SYCP2: variants seen among roughly 807,000 people sequenced by gnomAD.
SYCP2 encodes the protein synaptonemal complex protein 2.
In SYCP2, 55 loss-of-function variants were observed where a neutral mutation model predicts 211.3. That is an observed-to-expected ratio of 0.26 (90% CI 0.21 to 0.33). The LOEUF is 0.33. Among genes scored for constraint, SYCP2 ranks in the 10% least tolerant of loss-of-function variants. The pLI is 1.00. For missense variants in SYCP2, 1,731 were observed against 1,752.0 expected, an observed-to-expected ratio of 0.99 and a Z score of 0.21; for synonymous variants, 570 against 555.2, an observed-to-expected ratio of 1.03 and a Z score of -0.37.
At position 59,920,480 on chromosome 20, in the gene SYCP2, T is replaced by C; in HGVS notation, c.176A>G (p.Asn59Ser). 6.9e-6 allele frequency: 11 copies of C among 1,598,254 alleles called. No individual in the cohort carries two copies. Among genetic ancestry groups the C allele is most frequent in the Non-Finnish European group, 9.4e-6 (11 of 1,169,396 alleles). The change falls in exon 5 of 45, where the codon AAT becomes AGT. Residue 59 changes from asparagine to serine, a missense_variant. By Grantham distance (46) the Asn-to-Ser change is conservative. This residue lies in a region of SYCP2 where 335 missense variants were observed against 378.8 expected (regional missense o/e 0.88). Coordinates refer to ENST00000357552, the MANE Select transcript of SYCP2 (RefSeq NM_014258.4). The stretch of plus-strand genomic sequence containing the variant: ...TGAAACATTGTGGATATCCTCTTTA[T>C]TAAGTTCCTGAAATAAAAGGTATAC... ...KVDNLICREL[N>S]KEDIHNVSAI...
chr20:59,874,188 G>T, intron 34 of SYCP2, 127 bp from the exon 35 acceptor site: 2 of 514,446 alleles, frequency 3.9e-6, no homozygotes, highest in South Asian at 4.4e-5. Flanking sequence ...CTATAAAAAA[G>T]GATAGCTTTA....
At chr20:59,876,810 A>G (rs1006338458) in intron 33 of SYCP2, among the ~76,000 whole-genome samples, 4 of 152,178 alleles carry the variant, frequency 2.6e-5, no homozygotes, top group Non-Finnish European at 4.4e-5. Context: ...ATAAGTATAT[A>G]TATTTTTCCC....
In SYCP2 at chr20:59,919,498, G is replaced by A. The variant is rs555024308; in HGVS notation, c.397C>T (p.Leu133=). 15 of 1,575,478 alleles carry A rather than the reference G, an allele frequency of 9.5e-6. No homozygotes were observed. In the African/African-American group the frequency reaches 1.1e-4, roughly 11 times the overall value. ...LNMIEDLVDL[L]LVIHDVSDEG... is the part of the protein sequence containing the mutation. ...GTAATCAATGTGATTTTTACCAGCA[G>A]AAGATCAACTAAGTCTTCTATCATA... is the stretch of plus-strand genomic sequence containing the variant. The change falls in exon 6 of 45, where the codon CTG becomes TTG. Residue 133 remains leucine, a synonymous_variant. Coordinates refer to ENST00000357552, the MANE Select transcript of SYCP2 (RefSeq NM_014258.4).
chr20:59,891,544 C>CA (rs2059905005), intron 24 of SYCP2, among the ~76,000 whole-genome samples: 1 of 151,708 alleles, frequency 6.6e-6, no homozygotes, highest in Admixed American at 6.6e-5. Context: ...TGCATTCATC[C>CA]AAAAAATGTT....
At chr20:59,922,809 A>G (rs1449988368) in intron 2 of SYCP2, among the ~76,000 whole-genome samples, 1 of 151,872 alleles carries the variant, frequency 6.6e-6, no homozygotes, top group Non-Finnish European at 1.5e-5. Flanking sequence ...AGGAAAAAAA[A>G]AAACTCTTGA....
At chr20:59,902,616 C>T (rs543703324) in intron 15 of SYCP2, among the ~76,000 whole-genome samples, 21 of 152,226 alleles carry the variant, frequency 1.4e-4, no homozygotes, top group East Asian at 7.7e-4. Context: ...CTGCAGGCCA[C>T]GCCATGATGT....
chr20:59,910,271 C>A (rs1568967335), intron 14 of SYCP2, among the ~76,000 whole-genome samples: 1 of 151,932 alleles, frequency 6.6e-6, no homozygotes, highest in Non-Finnish European at 1.5e-5. Flanking sequence ...AAAGAAGAGT[C>A]CCCCAGCATC....
chr20:59,929,012 A>G (rs1228484493), intron 2 of SYCP2, among the ~76,000 whole-genome samples: 3 of 152,148 alleles, frequency 2.0e-5, no homozygotes, highest in Non-Finnish European at 4.4e-5. Flanking sequence ...CAATGGAATA[A>G]GAGACTAAGG....
intron 35 of SYCP2, among the ~76,000 whole-genome samples, chr20:59,872,780 T>C (rs555475920): frequency 2.0e-5 from 3 of 152,094 alleles, no homozygotes; most frequent in Admixed American, 6.6e-5. Context: ...TAGATCTGAA[T>C]AGGCTTATTC....
intron 2 of SYCP2, among the ~76,000 whole-genome samples, chr20:59,922,678 T>C (rs1018994749): frequency 6.6e-6 from 1 of 151,786 alleles, no homozygotes; most frequent in African/African-American, 2.4e-5. Flanking sequence ...TTCCTTTTTA[T>C]AGATTACTTA....
At chr20:59,886,964 T>G in intron 24 of SYCP2, 130 bp from the exon 25 acceptor site, 1 of 669,750 alleles carries the variant, frequency 1.5e-6, no homozygotes. Flanking sequence ...GAGAGTCAAC[T>G]GTTTAGTAAG....
At chr20:59,909,024 T>C (rs2060266729) in intron 14 of SYCP2, among the ~76,000 whole-genome samples, 1 of 152,182 alleles carries the variant, frequency 6.6e-6, no homozygotes, top group Non-Finnish European at 1.5e-5. Context: ...TTATTTAACC[T>C]CCCCTCTCAG....
At chr20:59,931,551 C>T (rs1292205264) in intron 2 of SYCP2, among the ~76,000 whole-genome samples, 2 of 152,060 alleles carry the variant, frequency 1.3e-5, no homozygotes, top group Non-Finnish European at 2.9e-5. Context: ...ATACTCTTAC[C>T]CTAGGGCCAG....
chr20:59,878,606 G>T (rs2059605675), intron 31 of SYCP2, among the ~76,000 whole-genome samples: 1 of 152,082 alleles, frequency 6.6e-6, no homozygotes, highest in African/African-American at 2.4e-5. Context: ...TGTCCCTTCT[G>T]CTAAAAGGTA....
intron 8 of SYCP2, 29 bp from the exon 9 acceptor site, chr20:59,915,579 A>T: frequency 4.6e-6 from 6 of 1,307,904 alleles, no homozygotes; most frequent in Non-Finnish European, 6.6e-6. Flanking sequence ...TAATGCATTA[A>T]CTTTACATTC....
At position 59,900,219 on chromosome 20, in the gene SYCP2, T is replaced by C. The variant is rs374361118; in HGVS notation, c.1323A>G (p.Ser441=). The C allele has an allele frequency of 6.5e-5, 105 of 1,613,062 alleles. No homozygotes were observed. The highest frequency in any genetic ancestry group is 8.6e-5 in the Non-Finnish European group (101 of 1,179,646). Residue 441 remains serine (S), a synonymous_variant, in exon 18 of 45, where the codon TCA becomes TCG. Coordinates refer to ENST00000357552, the MANE Select transcript of SYCP2 (RefSeq NM_014258.4). ...GTTTAGCAAATTCCTTTGGGGACTT[T>C]GATTTTTCCTTTAAACTAACGAGCT... is the stretch of plus-strand genomic sequence containing the variant. ...GEELVSLKEK[S]KSPKEFAKPS...
intron 15 of SYCP2, among the ~76,000 whole-genome samples, chr20:59,902,120 A>C (rs974715502): frequency 6.6e-6 from 1 of 152,150 alleles, no homozygotes; most frequent in Non-Finnish European, 1.5e-5. Context: ...ATCTGAGAAT[A>C]CTATTTTCTT....
intron 44 of SYCP2, 115 bp from the exon 45 acceptor site, chr20:59,864,503 TTC>T (rs770306559): frequency 2.9e-6 from 2 of 683,408 alleles, no homozygotes; most frequent in Non-Finnish European, 2.5e-6. Context: ...TTAAAACAAC[TTC>T]TTTCATGAAG....
Position 59,914,172 on chromosome 20 carries a change from C to A in SYCP2, c.714G>T (p.Gln238His), listed in dbSNP as rs142468827. Residue 238 changes from glutamine to histidine, a missense_variant, in exon 11 of 45, where the codon CAG becomes CAT. Transcript: ENST00000357552. The stretch of plus-strand genomic sequence containing the variant: ...TAGCAATAAAATCCATTGAAAACCA[C>A]TGATGTGCCAGTTCTTGTCTTTGTT... ...TEKQRQELAH[Q>H]WFSMDFIAKA... 2 of 1,605,584 alleles carry A rather than the reference C, an allele frequency of 1.2e-6. No individual in the cohort carries two copies. Among genetic ancestry groups the A allele is most frequent in the Admixed American group, 1.7e-5 (1 of 59,874 alleles).
Sources: allele counts gnomAD v4.1 joint callset (sites outside exome capture counted in the v4.1 genomes callset), GRCh38; gene constraint gnomAD v4.1.1; regional missense constraint gnomAD v4.1.1; transcripts MANE v1.5; gene names NCBI Gene and HGNC (gene_info 2026-07-23, HGNC 2026-07-21).